Variants in NUP133 observed in about 807,000 individuals in gnomAD.
NUP133 encodes the protein nuclear pore complex protein Nup133.
In NUP133, 66 loss-of-function variants were observed where a neutral mutation model predicts 146.2. The observed-to-expected ratio is 0.45, with a 90% CI of 0.37 to 0.55. The LOEUF is 0.55. Ranked by LOEUF, NUP133 falls within the 20% of genes least tolerant of loss-of-function variation. The pLI is 0.00. For missense variants in NUP133, 1,277 were observed against 1,374.8 expected, an observed-to-expected ratio of 0.93 and a Z score of 1.12; for synonymous variants, 521 against 498.8, an observed-to-expected ratio of 1.04 and a Z score of -0.59.
intron 15 of NUP133, among the ~76,000 whole-genome samples, chr1:229,468,473 G>C (rs975771475): frequency 6.6e-6 from 1 of 152,028 alleles, no homozygotes; most frequent in Admixed American, 6.6e-5. Context: ...ATAGTGACAG[G>C]AACAGTCCTA....
chr1:229,495,082 T>A (rs557449433), intron 8 of NUP133, among the ~76,000 whole-genome samples: 103 of 152,254 alleles, frequency 6.8e-4, no homozygotes, highest in African/African-American at 2.4e-3. Context: ...ATAGATAGCA[T>A]GAGAAGACCC....
chr1:229,453,040 T>G (rs369605061), intron 21 of NUP133, among the ~76,000 whole-genome samples: 49 of 152,230 alleles, frequency 3.2e-4, no homozygotes, highest in African/African-American at 9.6e-4. Flanking sequence ...AGTATATAGT[T>G]GGCCCTTGAA....
intron 8 of NUP133, among the ~76,000 whole-genome samples, chr1:229,491,861 C>A (rs2102778784): frequency 6.6e-6 from 1 of 152,258 alleles, no homozygotes; most frequent in Non-Finnish European, 1.5e-5. Flanking sequence ...AGGAGGATCG[C>A]TTGAGCCCAG....
chr1:229,497,542 G>A (rs1661684061), intron 6 of NUP133, among the ~76,000 whole-genome samples: 1 of 152,216 alleles, frequency 6.6e-6, no homozygotes, highest in Non-Finnish European at 1.5e-5. Flanking sequence ...GCCTGGGTAT[G>A]ATTCCCAGCT....
chr1:229,464,313 CCCT>C (rs983963316), intron 18 of NUP133, among the ~76,000 whole-genome samples: 9 of 152,152 alleles, frequency 5.9e-5, no homozygotes, highest in African/African-American at 2.2e-4. Flanking sequence ...CCTCAAGCAG[CCCT>C]CACCAGGCTC....
chr1:229,496,332 G>A lies in NUP133; in HGVS notation c.820-285C>T, dbSNP rs1661656041. ...CCACTAAAATACAAAAAAGTAGCCGGGTGTGGTGGCACACGCCTGTAGTCC... is the reference window on the plus strand; with the variant it reads ...CCACTAAAATACAAAAAAGTAGCCGAGTGTGGTGGCACACGCCTGTAGTCC... On this transcript the variant is annotated intron_variant, in intron 6 of 25. Transcript: ENST00000261396. Among the ~76,000 whole-genome samples the A allele has an allele frequency of 2.0e-5, 3 of 152,064 alleles. No individual in the cohort carries two copies. In the South Asian group the frequency reaches 6.2e-4, roughly 32 times the overall value.
Position 229,441,683 on chromosome 1 carries a change from A to T in NUP133, c.*221T>A. The T allele has an allele frequency of 2.2e-6, 1 of 445,616 alleles. No individual in the cohort carries two copies. The highest frequency in any genetic ancestry group is 4.0e-6 in the Non-Finnish European group (1 of 247,388). 27.6% of individuals were successfully genotyped at this position (445,616 alleles called of 1,614,324 possible). A position where few individuals can be genotyped will look rare whatever the true frequency, so the allele number is the denominator to read the frequency against. On this transcript the variant is annotated 3_prime_UTR_variant, in exon 26 of 26. Coordinates refer to ENST00000261396, the MANE Select transcript of NUP133 (RefSeq NM_018230.3). The stretch of plus-strand genomic sequence containing the variant: ...AAAAAGAAAGGGCACCGAGTACAGG[A>T]ACAACAACTGACACATTTCAGGTGG...
intron 21 of NUP133, among the ~76,000 whole-genome samples, chr1:229,453,715 C>T (rs1660505729): frequency 6.6e-6 from 1 of 152,172 alleles, no homozygotes. Context: ...ACAGTAAGTA[C>T]AGTATGTATT....
At chr1:229,479,112 T>TTACAG (rs1220824947) in intron 12 of NUP133, among the ~76,000 whole-genome samples, 3 of 152,172 alleles carry the variant, frequency 2.0e-5, no homozygotes, top group Admixed American at 2.0e-4. Context: ...CATATTTTTA[T>TTACAG]TACAGTACAG....
rs978240310 is a variant in NUP133 at position 229,508,278 on chromosome 1, G to A, written c.-29C>T. ...TCCAAGGAGCAGCGACTAGGACAGC[G>A]AGGGATCTGGCCGTCAGGTTGCAGC... On this transcript the variant is annotated 5_prime_UTR_variant, in exon 1 of 26. Transcript: ENST00000261396. The A allele has an allele frequency of 5.0e-6, 7 of 1,413,950 alleles. No homozygotes were observed. Among genetic ancestry groups the A allele is most frequent in the Non-Finnish European group, 6.5e-6 (7 of 1,076,110 alleles). The allele number at this position is 1,413,950 out of a possible 1,614,324, so 87.6% of individuals were successfully genotyped here. A position where few individuals can be genotyped will look rare whatever the true frequency, so the allele number is the denominator to read the frequency against.
At chr1:229,464,200 C>T (rs1021715424) in intron 18 of NUP133, among the ~76,000 whole-genome samples, 5 of 152,082 alleles carry the variant, frequency 3.3e-5, no homozygotes, top group African/African-American at 7.2e-5. Context: ...CTCCCCAAAA[C>T]GCTATTCTCT....
At chr1:229,452,201 GA>G (rs1660468084) in intron 22 of NUP133, among the ~76,000 whole-genome samples, 2 of 152,152 alleles carry the variant, frequency 1.3e-5, no homozygotes, top group South Asian at 4.1e-4. Flanking sequence ...AGAAGAGCTT[GA>G]AAAGTAATTT....
At chr1:229,497,355 A>G (rs1661679831) in intron 6 of NUP133, among the ~76,000 whole-genome samples, 1 of 152,234 alleles carries the variant, frequency 6.6e-6, no homozygotes, top group Admixed American at 6.5e-5. Flanking sequence ...GTCAAAAGAG[A>G]AATGAGTTTT....
At chr1:229,460,494 T>C in intron 20 of NUP133, 117 bp downstream of exon 20, 5 of 1,001,050 alleles carry the variant, frequency 5.0e-6, no homozygotes, top group South Asian at 3.7e-5. Flanking sequence ...ATATTTTGGA[T>C]AGTAACCCCT....
rs760922176 is a variant in NUP133, at chr1:229,498,289, C to T, written c.666G>A (p.Leu222=). The change falls in exon 6 of 26, where the codon TTG becomes TTA. Residue 222 remains leucine (L), a synonymous_variant. Transcript: ENST00000261396. ...GAATTAGTTGGCTTCCTGATGAAGACAAAATAAAACTTCCTCCCTGTGAAA... is the reference window on the plus strand; with the variant it reads ...GAATTAGTTGGCTTCCTGATGAAGATAAAATAAAACTTCCTCCCTGTGAAA... ...LTAVQGGSFI[L]SSSGSQLIRL... is the part of the protein sequence containing the mutation. The T allele has an allele frequency of 6.3e-7, 1 of 1,581,790 alleles. No individual in the cohort carries two copies. The highest frequency in any genetic ancestry group is 2.3e-5 in the East Asian group (1 of 43,652).
chr1:229,452,728 G>A, intron 21 of NUP133, 85 bp from the exon 22 acceptor site: 2 of 998,394 alleles, frequency 2.0e-6, no homozygotes, highest in Non-Finnish European at 3.0e-6. Flanking sequence ...AAACAAATCT[G>A]AATTTTAAAA....
intron 16 of NUP133, among the ~76,000 whole-genome samples, chr1:229,465,776 G>C (rs1022049129): frequency 2.6e-5 from 4 of 151,730 alleles, no homozygotes; most frequent in Non-Finnish European, 5.9e-5. Flanking sequence ...TACCGTCCCA[G>C]CTACTTGGGA....
At chr1:229,478,257 AACT>A (rs1661126088) in intron 12 of NUP133, among the ~76,000 whole-genome samples, 3 of 152,126 alleles carry the variant, frequency 2.0e-5, no homozygotes, top group Admixed American at 6.5e-5. Context: ...AAAGGGAGAA[AACT>A]ATTATCCATT....
intron 6 of NUP133, among the ~76,000 whole-genome samples, chr1:229,497,920 A>C (rs1294908494): frequency 1.3e-5 from 2 of 152,238 alleles, no homozygotes; most frequent in Admixed American, 1.3e-4. Context: ...CTTGTGAGAT[A>C]ATCTGTCTGA....
Sources: allele counts gnomAD v4.1 joint callset (sites outside exome capture counted in the v4.1 genomes callset), GRCh38; gene constraint gnomAD v4.1.1; transcripts MANE v1.5; gene names NCBI Gene and HGNC (gene_info 2026-07-23, HGNC 2026-07-21).